Variants in PTK2 observed in about 807,000 individuals in gnomAD.
PTK2 encodes protein tyrosine kinase 2.
Under a neutral mutation model 150.1 loss-of-function variants are expected in PTK2, and 45 were observed. The observed-to-expected ratio is 0.30, with a 90% CI of 0.24 to 0.38. The LOEUF (loss-of-function observed/expected upper bound fraction) is 0.38, where lower values mean the gene tolerates loss of function less well. Among genes scored for constraint, PTK2 ranks in the 10% least tolerant of loss-of-function variants. PTK2 has a pLI of 1.00. For synonymous variants in PTK2, 432 were observed against 449.2 expected (o/e 0.96, Z 0.48); for missense variants, 919 against 1,307.3 (o/e 0.70, Z 4.58).
intron 26 of PTK2, among the ~76,000 whole-genome samples, chr8:140,687,419 A>G (rs937911418): frequency 5.9e-5 from 9 of 152,154 alleles, no homozygotes; most frequent in African/African-American, 1.2e-4. Flanking sequence ...TCTTGGCAGC[A>G]TATTTCCCTC....
At position 140,977,985 on chromosome 8, in the gene PTK2, T is replaced by C. The variant is rs969419340; in HGVS notation, c.-122+23140A>G. 2.4e-4 allele frequency among the ~76,000 whole-genome samples: 36 copies of C among 152,140 alleles called. 2 individuals are homozygous for C. The highest frequency in any genetic ancestry group is 8.2e-4 in the African/African-American group (34 of 41,518). Reference sequence around the variant, plus strand: ...CTACAACTATCTGATCTTTGACAAATCTGACAAAAACAAGAAATGGGGAAA... The same window carrying C: ...CTACAACTATCTGATCTTTGACAAACCTGACAAAAACAAGAAATGGGGAAA... On this transcript the variant is annotated intron_variant, in intron 1 of 31. Coordinates refer to ENST00000522684, the Ensembl canonical transcript of PTK2.
chr8:140,808,889 C>T (rs947632513), intron 10 of PTK2, among the ~76,000 whole-genome samples: 14 of 151,836 alleles, frequency 9.2e-5, no homozygotes, highest in African/African-American at 2.7e-4. Flanking sequence ...GGCGCCACCA[C>T]GCCTGGCTAA....
intron 8 of PTK2, among the ~76,000 whole-genome samples, chr8:140,828,992 G>A (rs913579015): frequency 2.6e-5 from 4 of 152,180 alleles, no homozygotes; most frequent in African/African-American, 9.7e-5. Context: ...CTTGTAGACT[G>A]GGACAGTGTC....
chr8:140,768,824 T>C (rs960916747), intron 14 of PTK2, among the ~76,000 whole-genome samples: 8 of 152,182 alleles, frequency 5.3e-5, no homozygotes, highest in South Asian at 2.1e-4. Flanking sequence ...TTTAAGACCT[T>C]TTACTGAAAC....
chr8:140,737,748 C>T (rs1040832764), intron 21 of PTK2, among the ~76,000 whole-genome samples: 1 of 152,204 alleles, frequency 6.6e-6, no homozygotes, highest in Non-Finnish European at 1.5e-5. Context: ...TTAAGATACA[C>T]TCCAGTTCCA....
intron 2 of PTK2, among the ~76,000 whole-genome samples, chr8:140,902,944 T>TC (rs1568518603): frequency 7.2e-6 from 1 of 139,412 alleles, no homozygotes; most frequent in Non-Finnish European, 1.5e-5. Flanking sequence ...TTTTTTTTTT[T>TC]TTTTTTTTTT....
chr8:140,671,504 G>A (rs1407184639), intron 29 of PTK2, among the ~76,000 whole-genome samples: 2 of 152,174 alleles, frequency 1.3e-5, no homozygotes, highest in Non-Finnish European at 2.9e-5. Context: ...ACAGGCGTGA[G>A]CCACTGTGCC....
intron 4 of PTK2, among the ~76,000 whole-genome samples, chr8:140,875,706 G>A (rs1464544633): frequency 6.6e-6 from 1 of 152,100 alleles, no homozygotes; most frequent in Non-Finnish European, 1.5e-5. Flanking sequence ...TTCCCCTACT[G>A]CACCATCTTT....
intron 7 of PTK2, among the ~76,000 whole-genome samples, chr8:140,835,185 C>T (rs1045922743): frequency 6.6e-6 from 1 of 152,232 alleles, no homozygotes; most frequent in African/African-American, 2.4e-5. Context: ...CATAACACAG[C>T]TGGCTTTTAG....
intron 2 of PTK2, among the ~76,000 whole-genome samples, chr8:140,891,868 A>C (rs184282677): frequency 6.6e-6 from 1 of 152,344 alleles, no homozygotes; most frequent in East Asian, 1.9e-4. Flanking sequence ...TGGGTGCAGA[A>C]GCAAAGGGAG....
intron 3 of PTK2, among the ~76,000 whole-genome samples, chr8:140,884,744 C>G (rs139503196): frequency 6.6e-6 from 1 of 152,296 alleles, no homozygotes; most frequent in African/African-American, 2.4e-5. Flanking sequence ...TACATTTTCC[C>G]ATTCCTATCA....
At chr8:140,694,148 C>T (rs915012915) in intron 26 of PTK2, among the ~76,000 whole-genome samples, 2 of 150,906 alleles carry the variant, frequency 1.3e-5, no homozygotes, top group Non-Finnish European at 2.9e-5. Context: ...TCACGCCATT[C>T]TCCTGCCTTA....
At chr8:140,961,523 G>T (rs536288504) in intron 1 of PTK2, among the ~76,000 whole-genome samples, 7 of 152,100 alleles carry the variant, frequency 4.6e-5, no homozygotes, top group African/African-American at 1.2e-4. Flanking sequence ...TTAGCCGGGC[G>T]TGGTGGCGGG....
chr8:140,660,447 C>G (rs998695873), intron 31 of PTK2, among the ~76,000 whole-genome samples: 1 of 152,180 alleles, frequency 6.6e-6, no homozygotes, highest in Non-Finnish European at 1.5e-5. Flanking sequence ...GGTGGCAGGG[C>G]GCAGTGGCTC....
At chr8:140,962,495 C>T (rs2154609427) in intron 1 of PTK2, among the ~76,000 whole-genome samples, 1 of 152,204 alleles carries the variant, frequency 6.6e-6, no homozygotes, top group Admixed American at 6.5e-5. Flanking sequence ...GAGGGGCCTC[C>T]TGTATAGGAC....
chr8:140,710,146 T>C (rs2100035979), intron 23 of PTK2, among the ~76,000 whole-genome samples: 1 of 151,258 alleles, frequency 6.6e-6, no homozygotes, highest in Non-Finnish European at 1.5e-5. Context: ...GAAAAAAATA[T>C]GAGAAGATTT....
chr8:140,680,445 G>A (rs1292478974), intron 27 of PTK2, among the ~76,000 whole-genome samples: 2 of 152,104 alleles, frequency 1.3e-5, no homozygotes, highest in African/African-American at 4.8e-5. Flanking sequence ...GGCCAGGCTG[G>A]TCTCGAACTC....
At chr8:140,973,020 T>A (rs1331130519) in intron 1 of PTK2, among the ~76,000 whole-genome samples, 1 of 152,240 alleles carries the variant, frequency 6.6e-6, no homozygotes, top group East Asian at 1.9e-4. Flanking sequence ...TCTGGAGACA[T>A]CCTCACCTGT....
At chr8:140,799,144 C>T (rs1162275343) in intron 12 of PTK2, 3 of 152,232 alleles carry the variant, frequency 2.0e-5, no homozygotes, top group Admixed American at 6.5e-5. Flanking sequence ...ACAGCACCAT[C>T]AGTTACCTCT....
Sources: allele counts gnomAD v4.1 joint callset (sites outside exome capture counted in the v4.1 genomes callset), GRCh38; gene constraint gnomAD v4.1.1; transcripts MANE v1.5; gene names NCBI Gene and HGNC (gene_info 2026-07-23, HGNC 2026-07-21).